The following HMCN1 variants were observed in gnomAD, a reference collection of about 807,000 sequenced individuals.
HMCN1 encodes the protein hemicentin 1.
In HMCN1, 321 loss-of-function variants were observed where a neutral mutation model predicts 625.9. The ratio of observed to expected loss-of-function variants is 0.51; its 90% CI spans 0.47 to 0.56. The LOEUF is 0.56. HMCN1 is among the 20% of genes least tolerant of loss of function. The pLI is 0.00. For synonymous variants in HMCN1, 2,425 were observed against 2,417.6 expected (o/e 1.00, Z -0.09); for missense variants, 6,588 against 6,887.3 (o/e 0.96, Z 1.54).
rs576512870 is a variant in HMCN1 at position 186,114,842 on chromosome 1, T to G, written c.11300T>G (p.Phe3767Cys). The change falls in exon 74 of 107, where the codon TTC (phenylalanine) becomes TGC (cysteine). Residue 3767 changes from phenylalanine to cysteine, a missense_variant. By Grantham distance (205) the Phe-to-Cys change is radical (BLOSUM62 -2). Around this residue, in one of 3 missense-constraint regions of HMCN1, gnomAD observed 4,628 missense variants for 4,853.1 expected, o/e 0.95. Transcript: ENST00000271588. ...AGATATTCCATCTTGGAAAATGGAT[T>G]CCTTCATATTCAATCAGCACATGTC... is the stretch of plus-strand genomic sequence containing the variant. Reference protein sequence around the residue: ...HARYSILENGFLHIQSAHVTD... With the variant: ...HARYSILENGCLHIQSAHVTD... The G allele has an allele frequency of 8.7e-6, 14 of 1,614,142 alleles. No individual in the cohort carries two copies. The South Asian group carries it at 1.5e-4, about 18-fold the overall frequency.
chr1:186,159,193 A>G (rs894618501), intron 97 of HMCN1, among the ~76,000 whole-genome samples: 11 of 152,096 alleles, frequency 7.2e-5, no homozygotes, highest in Non-Finnish European at 1.2e-4. Context: ...CTTTGAAGCA[A>G]TTGTGAATGG....
intron 97 of HMCN1, among the ~76,000 whole-genome samples, chr1:186,163,152 GAT>G (rs1651629188): frequency 4.6e-5 from 7 of 152,198 alleles, no homozygotes; most frequent in Non-Finnish European, 1.5e-5. Flanking sequence ...CTTGCAGTTT[GAT>G]CTCAGACTGC....
intron 57 of HMCN1, among the ~76,000 whole-genome samples, chr1:186,084,917 C>A (rs1020152871): frequency 2.0e-5 from 3 of 152,036 alleles, no homozygotes; most frequent in African/African-American, 7.2e-5. Context: ...AAGTAACATG[C>A]TCAAAATTAC....
intron 1 of HMCN1, among the ~76,000 whole-genome samples, chr1:185,788,105 A>G (rs56100961): frequency 0.041 from 6,201 of 152,254 alleles, 411 homozygotes; most frequent in African/African-American, 0.14. Flanking sequence ...TTAGGCTAAT[A>G]GTTTGGTGAG....
intron 11 of HMCN1, among the ~76,000 whole-genome samples, chr1:185,941,132 G>A (rs12073492): frequency 0.048 from 7,338 of 152,190 alleles, 421 homozygotes; most frequent in African/African-American, 0.13. Flanking sequence ...TGAGATTACA[G>A]GTGTGAGCCA....
chr1:185,893,090 C>T (rs1665235377), intron 4 of HMCN1, among the ~76,000 whole-genome samples: 1 of 152,226 alleles, frequency 6.6e-6, no homozygotes, highest in Admixed American at 6.5e-5. Flanking sequence ...CCGTCCGTTA[C>T]CCCTTTCTTT....
intron 78 of HMCN1, 62 bp downstream of exon 78, chr1:186,119,360 T>C (rs1332068670): frequency 2.5e-6 from 3 of 1,207,542 alleles, no homozygotes; most frequent in African/African-American, 3.0e-5. Context: ...TTAGTCATAT[T>C]TATTCTGAAA....
Position 185,928,564 on chromosome 1 carries a change from C to A in HMCN1, c.1449C>A (p.Asn483Lys). 1 of 1,613,142 alleles carries A rather than the reference C, an allele frequency of 6.2e-7. No individual in the cohort carries two copies. The highest frequency in any genetic ancestry group is 8.5e-7 in the Non-Finnish European group (1 of 1,179,244). Residue 483 changes from asparagine (N) to lysine (K), a missense_variant, in exon 10 of 107, where the codon AAC (asparagine) becomes AAA (lysine). Physicochemically the swap from Asn to Lys is moderately conservative, Grantham distance 94. Coordinates refer to ENST00000271588, the MANE Select transcript of HMCN1 (RefSeq NM_031935.3). ...CCTCCAGAGAATCTGCCAGTGTGAACTTAGATATTGCAAAGGTCACTTTGT... is the reference window on the plus strand; with the variant it reads ...CCTCCAGAGAATCTGCCAGTGTGAAATTAGATATTGCAAAGGTCACTTTGT... ...DQYLKESASV[N>K]LDIAKVTLSD...
At position 186,108,438 on chromosome 1, in the gene HMCN1, G is replaced by T. The variant is rs765738065; in HGVS notation, c.10853-23G>T. 6 of 1,613,800 alleles carry T rather than the reference G, an allele frequency of 3.7e-6. No individual in the cohort carries two copies. In the South Asian group the frequency reaches 6.6e-5, roughly 18 times the overall value. ...ACCTATGATAATACAGATTGCTTTT[G>T]TTGTATTTGTTCTCACACCCAGTAC... is the stretch of plus-strand genomic sequence containing the variant. On this transcript the variant is annotated intron_variant, in intron 70 of 106. Coordinates refer to ENST00000271588, the MANE Select transcript of HMCN1 (RefSeq NM_031935.3).
intron 1 of HMCN1, among the ~76,000 whole-genome samples, chr1:185,743,982 G>GTT (rs1214723950): frequency 0.018 from 1,600 of 88,118 alleles, 10 homozygotes; most frequent in East Asian, 0.044. Context: ...TTACTGTTTT[G>GTT]TTTTTTTTTT....
At chr1:186,050,801 C>T (rs936629525) in intron 42 of HMCN1, among the ~76,000 whole-genome samples, 1 of 152,020 alleles carries the variant, frequency 6.6e-6, no homozygotes, top group African/African-American at 2.4e-5. Flanking sequence ...ATCTTCTAGG[C>T]GCTATGCCAT....
rs759146705 is a variant in HMCN1 at position 185,928,698 on chromosome 1, C to CA, written c.1552+33dup. ...TACCACTAATTTCTTTGCAGTTGCC[C>CA]AAGTATTAATGCAGCTATGGAAATG... On this transcript the variant is annotated intron_variant, in intron 10 of 106. Coordinates refer to ENST00000271588, the MANE Select transcript of HMCN1 (RefSeq NM_031935.3). The CA allele has an allele frequency of 4.4e-6, 7 of 1,609,068 alleles. No individual in the cohort carries two copies. In the African/African-American group the frequency reaches 8.0e-5, roughly 18 times the overall value.
At chr1:185,796,991 A>G (rs1658431975) in intron 1 of HMCN1, among the ~76,000 whole-genome samples, 1 of 152,180 alleles carries the variant, frequency 6.6e-6, no homozygotes, top group South Asian at 2.1e-4. Flanking sequence ...TTTTCTCTGC[A>G]TCCTCGACAA....
chr1:186,177,334 C>T (rs939817391), intron 103 of HMCN1: 59 of 150,738 alleles, frequency 3.9e-4, no homozygotes, highest in Non-Finnish European at 7.0e-4. Context: ...AGAGCAGCCA[C>T]GATGGGAAGG....
chr1:185,928,249 C>A (rs1667373801), intron 9 of HMCN1, among the ~76,000 whole-genome samples: 1 of 152,092 alleles, frequency 6.6e-6, no homozygotes, highest in Non-Finnish European at 1.5e-5. Context: ...ATGAATATTT[C>A]TTTGCCAGCT....
At chr1:185,835,791 G>C (rs979192002) in intron 1 of HMCN1, among the ~76,000 whole-genome samples, 3 of 151,702 alleles carry the variant, frequency 2.0e-5, no homozygotes, top group Non-Finnish European at 1.5e-5. Context: ...ACATAAATAG[G>C]CATACATAAT....
At chr1:186,107,389 T>C (rs1660660060) in intron 70 of HMCN1, among the ~76,000 whole-genome samples, 1 of 152,224 alleles carries the variant, frequency 6.6e-6, no homozygotes, top group South Asian at 2.1e-4. Context: ...TATTCATTGG[T>C]TTAAAATAAT....
Position 186,061,865 on chromosome 1 carries a change from C to T in HMCN1, c.7327C>T (p.Arg2443Trp), listed in dbSNP as rs376132541. Residue 2443 changes from arginine (R) to tryptophan (W), a missense_variant, in exon 47 of 107, where the codon CGG (arginine) becomes TGG (tryptophan). Transcript: ENST00000271588. ...VRILSGGRML[R>W]LMQTTMEDAG... is the part of the protein sequence containing the mutation. The stretch of plus-strand genomic sequence containing the variant: ...TGCTTCTGCAGGAGGCAGGATGCTA[C>T]GGCTGATGCAGACCACAATGGAAGA... The T allele has an allele frequency of 1.0e-4, 167 of 1,610,526 alleles. No homozygotes were observed. Among genetic ancestry groups the T allele is most frequent in the Non-Finnish European group, 1.3e-4 (154 of 1,177,146 alleles).
At chr1:185,921,672 T>C (rs765205275) in intron 6 of HMCN1, among the ~76,000 whole-genome samples, 20 of 152,242 alleles carry the variant, frequency 1.3e-4, no homozygotes, top group Non-Finnish European at 2.5e-4. Flanking sequence ...ACTTAAATGC[T>C]GGAATTATGT....
Sources: gnomAD v4.1 joint callset for allele counts (sites outside exome capture counted in the v4.1 genomes callset) on GRCh38, gnomAD v4.1.1 for gene constraint, gnomAD v4.1.1 regional missense constraint, MANE v1.5 for transcripts, NCBI Gene and HGNC (gene_info 2026-07-23, HGNC 2026-07-21) for gene names.